ARSD: variants seen among roughly 807,000 people sequenced by gnomAD.
The protein encoded by ARSD is arylsulfatase D.
Under a neutral mutation model 32.6 loss-of-function variants are expected in ARSD, and 21 were observed. That is an observed-to-expected ratio of 0.64 (90% CI 0.46 to 0.93). ARSD has a LOEUF of 0.93. Ranked by LOEUF, ARSD falls within the 40% of genes least tolerant of loss-of-function variation. The probability of loss-of-function intolerance (pLI) is 0.00; values close to 1 mark genes in which losing one functional copy is unlikely to be tolerated. For missense variants in ARSD, 454 were observed against 520.9 expected (o/e 0.87, Z 1.25); for synonymous variants, 224 against 237.4 (o/e 0.94, Z 0.52).
At chrX:2,928,887 C>T (rs754346743) in intron 1 of ARSD, among the ~76,000 whole-genome samples, 1 of 112,135 alleles carries the variant, frequency 8.9e-6, no homozygotes, top group Non-Finnish European at 1.9e-5. Flanking sequence ...GCGTGACCGG[C>T]CCAGTTTCCG....
At chrX:2,908,002 T>G (rs1311305181) in intron 9 of ARSD, 1 of 781,713 alleles carries the variant, frequency 1.3e-6, no homozygotes, top group Non-Finnish European at 1.5e-6. Context: ...GAAACAACCA[T>G]GATATTTTAA....
chrX:2,908,909 G>A (rs1378618722), intron 8 of ARSD, 67 bp from the exon 9 acceptor site: 1 of 1,195,781 alleles, frequency 8.4e-7, no homozygotes, highest in African/African-American at 1.8e-5. Flanking sequence ...TTTGCACCTG[G>A]GAACACATCT....
rs573963348 is a variant in ARSD at position 2,925,799 on chromosome X, C to T, written c.45-34G>A. The T allele has an allele frequency of 5.2e-5, 62 of 1,199,031 alleles. 2 individuals carry two copies. In the South Asian group the frequency reaches 1.0e-3, roughly 20 times the overall value. ...AAAAGCGAAACACAGAAATGACTATCTACAATTTGGCAAGGGAAGTAGGCA... is the reference window on the plus strand; with the variant it reads ...AAAAGCGAAACACAGAAATGACTATTTACAATTTGGCAAGGGAAGTAGGCA... On this transcript the variant is annotated intron_variant, in intron 1 of 9. Coordinates refer to ENST00000381154, the MANE Select transcript of ARSD (RefSeq NM_001669.4).
intron 1 of ARSD, among the ~76,000 whole-genome samples, chrX:2,926,487 G>A (rs1390829063): frequency 1.8e-5 from 2 of 112,074 alleles, no homozygotes; most frequent in Non-Finnish European, 3.8e-5. Context: ...GCATAAAGGC[G>A]CTGGTTGTTT....
intron 7 of ARSD, 131 bp from the exon 8 acceptor site, chrX:2,910,110 T>C: frequency 1.2e-6 from 1 of 850,721 alleles, no homozygotes; most frequent in Non-Finnish European, 1.6e-6. Context: ...TGGGGCAGCC[T>C]CAGCTTCCCA....
chrX:2,918,729 G>A (rs1461205306), intron 4 of ARSD, among the ~76,000 whole-genome samples: 3 of 110,823 alleles, frequency 2.7e-5, no homozygotes, highest in Non-Finnish European at 5.7e-5. Flanking sequence ...GACAGAGCCA[G>A]ACTCCGTCTC....
intron 3 of ARSD, 125 bp downstream of exon 3, chrX:2,921,778 G>A (rs1024159963): frequency 8.2e-6 from 7 of 848,612 alleles, no homozygotes; most frequent in South Asian, 2.9e-5. Context: ...CAAGGAAGAC[G>A]ATGAATTGCA....
chrX:2,910,895 T>C, intron 6 of ARSD, 102 bp from the exon 7 acceptor site: 1 of 991,274 alleles, frequency 1.0e-6, no homozygotes, highest in Non-Finnish European at 1.4e-6. Flanking sequence ...TGCCAGGAAG[T>C]CATAAGAAGA....
At chrX:2,916,570 C>T (rs1343269103) in intron 5 of ARSD, among the ~76,000 whole-genome samples, 1 of 111,548 alleles carries the variant, frequency 9.0e-6, no homozygotes, top group Non-Finnish European at 1.9e-5. Context: ...GAAATCCTGT[C>T]ATTTGCAGCA....
At position 2,920,706 on chromosome X, in the gene ARSD, C is replaced by T; in HGVS notation, c.334G>A (p.Gly112Arg). ...GCGTTCCACTGAAGGGCCCGGTATC[C>T]ATTGCTGGCGTCCATGCCTGTGGGG... ...SFRSGMDASN[G>R]YRALQWNAGS... The change falls in exon 4 of 10, where the codon GGA becomes AGA. Residue 112 changes from glycine (G) to arginine (R), a missense_variant. This residue lies in a region of ARSD where 271 missense variants were observed against 301.0 expected (regional missense o/e 0.90). Transcript: ENST00000381154. 8.3e-7 allele frequency: 1 copy of T among 1,211,719 alleles called. No individual in the cohort carries two copies. Among genetic ancestry groups the T allele is most frequent in the Non-Finnish European group, 1.1e-6 (1 of 895,493 alleles).
At chrX:2,909,752 AT>A in intron 8 of ARSD, 64 bp downstream of exon 8, 4 of 1,039,970 alleles carry the variant, frequency 3.8e-6, no homozygotes, top group South Asian at 2.5e-5. Context: ...TCCTATTGAA[AT>A]AAAAAAAAAA....
chrX:2,911,899 G>C (rs949697856), intron 6 of ARSD, among the ~76,000 whole-genome samples: 3 of 111,283 alleles, frequency 2.7e-5, no homozygotes, highest in Non-Finnish European at 3.8e-5. Context: ...ACTTTGGGAG[G>C]CCGAGGCAGG....
chrX:2,908,307 CCAT>C (rs1280259918), intron 9 of ARSD, among the ~76,000 whole-genome samples: 1 of 110,880 alleles, frequency 9.0e-6, no homozygotes, highest in Non-Finnish European at 1.9e-5. Flanking sequence ...TCTTATCTAT[CCAT>C]CAATCATGTA....
chrX:2,927,423 C>G (rs2089094695), intron 1 of ARSD, among the ~76,000 whole-genome samples: 1 of 109,789 alleles, frequency 9.1e-6, no homozygotes, highest in Admixed American at 9.8e-5. Flanking sequence ...CCACGCCCGG[C>G]TAATTTTTTT....
intron 9 of ARSD, chrX:2,907,836 G>A (rs1277122218): frequency 6.2e-6 from 6 of 968,525 alleles, no homozygotes; most frequent in African/African-American, 2.0e-5. Context: ...ATGTGTGTCC[G>A]TTTGTGTCTC....
At chrX:2,920,819 C>T (rs1047973468) in intron 3 of ARSD, 96 bp from the exon 4 acceptor site, 16 of 1,048,425 alleles carry the variant, frequency 1.5e-5, no homozygotes, top group Middle Eastern at 3.8e-4. Flanking sequence ...TGGATTTGTG[C>T]ACCCGAGCCA....
At position 2,916,695 on chromosome X, in the gene ARSD, A is replaced by AT. The variant is rs1255922616; in HGVS notation, c.864-1004dup. 4.5e-5 allele frequency among the ~76,000 whole-genome samples: 5 copies of AT among 110,810 alleles called. No individual in the cohort carries two copies. In the East Asian group the frequency reaches 8.5e-4, roughly 19 times the overall value. On this transcript the variant is annotated intron_variant, in intron 5 of 9. Transcript: ENST00000381154. ...CTAAAAAAAAATCGATCACATGAAG[A>AT]TAGAGAATAGAATGATAGAGACCAG...
intron 6 of ARSD, 61 bp from the exon 7 acceptor site, chrX:2,910,854 G>A: frequency 8.7e-7 from 1 of 1,147,461 alleles, no homozygotes; most frequent in Non-Finnish European, 1.2e-6. Flanking sequence ...CTAGTTCAAT[G>A]CGCTTCTTCC....
intron 9 of ARSD, chrX:2,907,860 C>T: frequency 1.1e-6 from 1 of 949,492 alleles, no homozygotes; most frequent in African/African-American, 2.0e-5. Flanking sequence ...ATTGCATGCC[C>T]CAGGCAAAGG....
Sources: allele counts gnomAD v4.1 joint callset (sites outside exome capture counted in the v4.1 genomes callset), GRCh38; gene constraint gnomAD v4.1.1; regional missense constraint gnomAD v4.1.1; transcripts MANE v1.5; gene names NCBI Gene and HGNC (gene_info 2026-07-23, HGNC 2026-07-21).